NAALADL2: variants seen among roughly 807,000 people sequenced by gnomAD.
The protein encoded by NAALADL2 is inactive N-acetylated-alpha-linked acidic dipeptidase-like protein 2.
NAALADL2 carries 76 observed loss-of-function variants against 87.2 expected under a neutral mutation model. That is an observed-to-expected ratio of 0.87 (90% CI 0.72 to 1.05). The LOEUF is 1.05. Among genes scored for constraint, NAALADL2 ranks in the 50% least tolerant of loss-of-function variants. The probability of loss-of-function intolerance (pLI) is 0.00; values close to 1 mark genes in which losing one functional copy is unlikely to be tolerated. For synonymous variants in NAALADL2, 354 were observed against 331.0 expected (o/e 1.07, Z -0.75); for missense variants, 1,089 against 945.8 (o/e 1.15, Z -1.99).
At chr3:175,569,002 C>A (rs1717636043) in intron 9 of NAALADL2, among the ~76,000 whole-genome samples, 1 of 152,084 alleles carries the variant, frequency 6.6e-6, no homozygotes, top group Non-Finnish European at 1.5e-5. Flanking sequence ...GGTGCGTGGC[C>A]TGTTTCATAA....
At chr3:174,950,551 T>C (rs568391807) in intron 1 of NAALADL2, among the ~76,000 whole-genome samples, 1 of 152,276 alleles carries the variant, frequency 6.6e-6, no homozygotes, top group East Asian at 1.9e-4. Flanking sequence ...TTTTTAAATC[T>C]GGGCTTTGAT....
At chr3:175,139,068 T>C (rs1422215825) in intron 2 of NAALADL2, among the ~76,000 whole-genome samples, 2 of 151,600 alleles carry the variant, frequency 1.3e-5, no homozygotes, top group East Asian at 3.9e-4. Flanking sequence ...TCCAATGTTA[T>C]ATTAAACACA....
chr3:174,467,596 TAAAAAAAAAAA>T (rs58227642), intron 1 of NAALADL2, among the ~76,000 whole-genome samples: 17 of 59,602 alleles, frequency 2.9e-4, no homozygotes, highest in Admixed American at 2.2e-3. Context: ...CCATCTCAGT[TAAAAAAAAAAA>T]AAAAAAAAAA....
At position 175,368,905 on chromosome 3, in the gene NAALADL2, A is replaced by T. The variant is rs150403815; in HGVS notation, c.1090+44580A>T. 3.6e-3 allele frequency among the ~76,000 whole-genome samples: 546 copies of T among 152,072 alleles called. 3 individuals are homozygous for T. The highest frequency in any genetic ancestry group is 0.012 in the African/African-American group (487 of 41,474). On this transcript the variant is annotated intron_variant, in intron 5 of 13. Coordinates refer to ENST00000454872, the MANE Select transcript of NAALADL2 (RefSeq NM_207015.3). ...ACAGCGAAATATGATATAAAAGATT[A>T]AAAAAAATTGCCACCCCTGTATAGG...
chr3:174,664,006 C>T (rs1297342774), intron 2 of NAALADL2, among the ~76,000 whole-genome samples: 2 of 151,990 alleles, frequency 1.3e-5, no homozygotes, highest in Non-Finnish European at 2.9e-5. Flanking sequence ...TCAGGCTGGT[C>T]TCGAACTCCT....
chr3:175,664,331 T>G (rs1159631059), intron 11 of NAALADL2, among the ~76,000 whole-genome samples: 1 of 152,122 alleles, frequency 6.6e-6, no homozygotes, highest in Non-Finnish European at 1.5e-5. Flanking sequence ...AAATGAGTTA[T>G]TTCCTTGAAT....
At chr3:174,456,697 T>G (rs1213759328) in intron 1 of NAALADL2, among the ~76,000 whole-genome samples, 1 of 152,082 alleles carries the variant, frequency 6.6e-6, no homozygotes, top group East Asian at 1.9e-4. Flanking sequence ...CCCTTCCTTA[T>G]ACCATATAAA....
At chr3:175,667,830 G>A (rs1733414622) in intron 11 of NAALADL2, among the ~76,000 whole-genome samples, 1 of 150,310 alleles carries the variant, frequency 6.7e-6, no homozygotes, top group East Asian at 2.0e-4. Context: ...TATCATGAGA[G>A]GACACTGAGA....
intron 1 of NAALADL2, among the ~76,000 whole-genome samples, chr3:174,904,146 A>T (rs1437356987): frequency 6.6e-6 from 1 of 151,742 alleles, no homozygotes; most frequent in African/African-American, 2.4e-5. Context: ...GTAATGCAAC[A>T]TATACAATCC....
intron 3 of NAALADL2, among the ~76,000 whole-genome samples, chr3:174,799,140 A>G (rs1011754489): frequency 6.6e-6 from 1 of 151,664 alleles, no homozygotes; most frequent in Non-Finnish European, 1.5e-5. Flanking sequence ...ACTGCACTCC[A>G]GCCTGGGCGA....
At chr3:175,408,628 C>A (rs927949881) in intron 5 of NAALADL2, among the ~76,000 whole-genome samples, 2 of 151,798 alleles carry the variant, frequency 1.3e-5, no homozygotes, top group South Asian at 2.1e-4. Flanking sequence ...ATGAATACTG[C>A]GATGATGTGT....
intron 3 of NAALADL2, among the ~76,000 whole-genome samples, chr3:174,815,830 GTTTTTTTTTTTT>G (rs10589968): frequency 1.7e-5 from 2 of 115,196 alleles, no homozygotes; most frequent in Non-Finnish European, 3.6e-5. Context: ...TTTGACTTTA[GTTTTTTTTTTTT>G]TTTTTTTTTT....
intron 5 of NAALADL2, among the ~76,000 whole-genome samples, chr3:175,408,726 G>A (rs1359839172): frequency 6.6e-6 from 1 of 151,904 alleles, no homozygotes; most frequent in Non-Finnish European, 1.5e-5. Flanking sequence ...TCTCTTTAAT[G>A]ACCTTGTATT....
intron 4 of NAALADL2, among the ~76,000 whole-genome samples, chr3:175,266,727 C>T (rs1751986322): frequency 6.6e-6 from 1 of 151,646 alleles, no homozygotes; most frequent in Non-Finnish European, 1.5e-5. Context: ...TCAGAAATAA[C>T]TCTTATAGTT....
chr3:175,785,067 G>C lies in NAALADL2; in HGVS notation c.2190-17938G>C, dbSNP rs1438913923. Reference sequence around the variant, plus strand: ...AGTTTGATTGCACTGTGGTCTGAGAGATAGTTTGTTATAATGTCTGTTCTT... The same window carrying C: ...AGTTTGATTGCACTGTGGTCTGAGACATAGTTTGTTATAATGTCTGTTCTT... On this transcript the variant is annotated intron_variant, in intron 13 of 13. Coordinates refer to ENST00000454872, the MANE Select transcript of NAALADL2 (RefSeq NM_207015.3). 2.0e-5 allele frequency among the ~76,000 whole-genome samples: 3 copies of C among 151,128 alleles called. No homozygotes were observed. In the South Asian group the frequency reaches 6.2e-4, roughly 31 times the overall value.
chr3:175,100,231 G>A (rs368894474), intron 2 of NAALADL2, among the ~76,000 whole-genome samples: 1 of 152,142 alleles, frequency 6.6e-6, no homozygotes. Flanking sequence ...AGCATGTAAA[G>A]CTTGAAAAAA....
intron 13 of NAALADL2, among the ~76,000 whole-genome samples, chr3:175,793,325 T>TC (rs1553775712): frequency 6.3e-5 from 9 of 142,594 alleles, no homozygotes; most frequent in Admixed American, 1.4e-4. Flanking sequence ...TTTTTTTTTT[T>TC]CGAGACGGAG....
Position 175,576,093 on chromosome 3 carries a change from G to A in NAALADL2, c.1706G>A (p.Ser569Asn). 1.2e-6 allele frequency: 2 copies of A among 1,613,458 alleles called. No homozygotes were observed. Among genetic ancestry groups the A allele is most frequent in the African/African-American group, 1.3e-5 (1 of 75,034 alleles). The change falls in exon 10 of 14, where the codon AGT becomes AAT. Residue 569 changes from serine to asparagine, a missense_variant. Ser to Asn is a conservative substitution (Grantham distance 46). Coordinates refer to ENST00000454872, the MANE Select transcript of NAALADL2 (RefSeq NM_207015.3). ...GCCCAGTGCCCAGAAACCAATATCA[G>A]TTCTATACAGATACAAGGTGATGCT... The part of the protein sequence containing the change: ...RRAQCPETNI[S>N]SIQIQGDADY...
chr3:175,020,920 C>T (rs1242572086), intron 1 of NAALADL2, among the ~76,000 whole-genome samples: 1 of 152,056 alleles, frequency 6.6e-6, no homozygotes, highest in Non-Finnish European at 1.5e-5. Context: ...CTCTGGGAAG[C>T]TTGGTTTGCA....
Sources: allele counts gnomAD v4.1 joint callset (sites outside exome capture counted in the v4.1 genomes callset), GRCh38; gene constraint gnomAD v4.1.1; transcripts MANE v1.5; gene names NCBI Gene and HGNC (gene_info 2026-07-23, HGNC 2026-07-21).